NELL2: variants seen among roughly 807,000 people sequenced by gnomAD.
NELL2 encodes the protein protein kinase C-binding protein NELL2.
In NELL2, 41 loss-of-function variants were observed where a neutral mutation model predicts 109.6. The ratio of observed to expected loss-of-function variants is 0.37; its 90% CI spans 0.29 to 0.49. The LOEUF (loss-of-function observed/expected upper bound fraction) is 0.49, where lower values mean the gene tolerates loss of function less well. Ranked by LOEUF, NELL2 falls within the 20% of genes least tolerant of loss-of-function variation. NELL2 has a pLI of 0.98. For synonymous variants in NELL2, 355 were observed against 344.7 expected (o/e 1.03, Z -0.33); for missense variants, 900 against 1,008.3 (o/e 0.89, Z 1.45).
chr12:44,730,338 A>G lies in NELL2; in HGVS notation c.995-15597T>C, dbSNP rs149612883. Among the ~76,000 whole-genome samples, 13 of 152,294 alleles carry G rather than the reference A, an allele frequency of 8.5e-5. No individual in the cohort carries two copies. In the East Asian group the frequency reaches 2.3e-3, roughly 27 times the overall value. ...TCCATACAACAGGAGCAGAATGTAA[A>G]TTCTTCTCAAGGACATACAGAACAT... On this transcript the variant is annotated intron_variant, in intron 9 of 19. Transcript: ENST00000429094.
chr12:44,634,280 G>C (rs11613236), intron 13 of NELL2, among the ~76,000 whole-genome samples: 1 of 151,900 alleles, frequency 6.6e-6, no homozygotes, highest in Admixed American at 6.6e-5. Context: ...CCATCAACCC[G>C]TCATCTACAT....
Position 44,585,096 on chromosome 12 carries a change from C to G in NELL2, c.1663+22073G>C, listed in dbSNP as rs935328097. Among the ~76,000 whole-genome samples the G allele has an allele frequency of 5.9e-5, 9 of 152,092 alleles. No homozygotes were observed. The South Asian group carries it at 8.3e-4, about 14-fold the overall frequency. On this transcript the variant is annotated intron_variant, in intron 15 of 19. Coordinates refer to ENST00000429094, the MANE Select transcript of NELL2 (RefSeq NM_001145108.2). ...AAAAATTGAAAATATTCCTATCATT[C>G]TCATAGACAGTTTGTGGGAATATAA...
At chr12:44,614,203 G>A (rs1164090478) in intron 13 of NELL2, among the ~76,000 whole-genome samples, 6 of 151,974 alleles carry the variant, frequency 3.9e-5, no homozygotes, top group African/African-American at 1.2e-4. Flanking sequence ...ACAGCTGGAA[G>A]TGAAATCAAA....
At position 44,546,114 on chromosome 12, in the gene NELL2, G is replaced by A. The variant is rs191952537; in HGVS notation, c.1664-13393C>T. On this transcript the variant is annotated intron_variant, in intron 15 of 19. Transcript: ENST00000429094. ...GAGCTTTGAATGGTATGCCAGGAAT[G>A]GTAAGATGACAGCAAAAATAGCTAT... 1.7e-3 allele frequency among the ~76,000 whole-genome samples: 258 copies of A among 152,180 alleles called. 1 individual carries two copies. Among genetic ancestry groups the A allele is most frequent in the Admixed American group, 3.8e-3 (58 of 15,276 alleles).
intron 12 of NELL2, among the ~76,000 whole-genome samples, chr12:44,668,147 G>GCATCCCTTC (rs1395917062): frequency 6.6e-6 from 1 of 152,062 alleles, no homozygotes; most frequent in East Asian, 1.9e-4. Context: ...ATACCAGCTG[G>GCATCCCTTC]ACCCATCAGT....
chr12:44,648,345 G>A (rs1053909948), intron 13 of NELL2, among the ~76,000 whole-genome samples: 24 of 152,108 alleles, frequency 1.6e-4, no homozygotes, highest in Non-Finnish European at 8.8e-5. Flanking sequence ...CCAGGTTAAG[G>A]GGGCTGGATC....
chr12:44,751,630 G>A (rs1314914483), intron 9 of NELL2, among the ~76,000 whole-genome samples: 2 of 151,790 alleles, frequency 1.3e-5, no homozygotes, highest in South Asian at 2.1e-4. Context: ...CCTTTTTTCT[G>A]TCCCTCCCTC....
chr12:44,672,071 A>G (rs1948156805), intron 12 of NELL2, among the ~76,000 whole-genome samples: 1 of 152,246 alleles, frequency 6.6e-6, no homozygotes. Context: ...AGTTCCTGGT[A>G]CAGATAGGAA....
Position 44,805,793 on chromosome 12 carries a change from T to C in NELL2, c.335+10193A>G, listed in dbSNP as rs11182690. On this transcript the variant is annotated intron_variant, in intron 3 of 19. Coordinates refer to ENST00000429094, the MANE Select transcript of NELL2 (RefSeq NM_001145108.2). ...GTAGTATTAATTGCAATACCAAATA[T>C]TGTGCTGAGATAATCATTCCCTCAC... is the stretch of plus-strand genomic sequence containing the variant. Among the ~76,000 whole-genome samples, 347 of 151,934 alleles carry C rather than the reference T, an allele frequency of 2.3e-3. 10 individuals carry two copies. The East Asian group carries it at 0.049, about 22-fold the overall frequency.
At chr12:44,917,293 C>T (rs77867317), upstream of NELL2, among the ~76,000 whole-genome samples, 10 of 152,166 alleles carry the variant, frequency 6.6e-5, no homozygotes, top group East Asian at 1.9e-4. Context: ...AACATTATGA[C>T]GTAGAAAGAG....
At chr12:44,577,602 C>T (rs1292340780) in intron 15 of NELL2, among the ~76,000 whole-genome samples, 2 of 151,428 alleles carry the variant, frequency 1.3e-5, no homozygotes, top group East Asian at 1.9e-4. Flanking sequence ...CTCAGCCTCC[C>T]GAGTAGCTGG....
At chr12:44,882,470 G>GTA (rs920055880) in intron 1 of NELL2, among the ~76,000 whole-genome samples, 2 of 150,220 alleles carry the variant, frequency 1.3e-5, no homozygotes, top group African/African-American at 4.9e-5. Context: ...ATATACATAT[G>GTA]TGTATATATA....
chr12:44,832,361 A>G (rs1223818308), intron 2 of NELL2, among the ~76,000 whole-genome samples: 3 of 152,250 alleles, frequency 2.0e-5, no homozygotes, highest in Non-Finnish European at 4.4e-5. Flanking sequence ...TGGAAAAGAC[A>G]GGAAGTGAAA....
intron 14 of NELL2, among the ~76,000 whole-genome samples, chr12:44,607,643 C>T (rs1367278987): frequency 6.6e-6 from 1 of 152,098 alleles, no homozygotes; most frequent in Non-Finnish European, 1.5e-5. Flanking sequence ...AAGAACGAGA[C>T]CATGAAACAG....
chr12:44,528,442 T>A (rs1941902899), intron 16 of NELL2, among the ~76,000 whole-genome samples: 1 of 152,210 alleles, frequency 6.6e-6, no homozygotes, highest in Non-Finnish European at 1.5e-5. Flanking sequence ...TTATTATGTA[T>A]CTACTTTTAA....
chr12:44,718,040 T>A (rs1592391219), intron 9 of NELL2, among the ~76,000 whole-genome samples: 1 of 152,312 alleles, frequency 6.6e-6, no homozygotes, highest in Admixed American at 6.5e-5. Flanking sequence ...CAGAAGGGCA[T>A]GAGAGAGCGG....
chr12:44,647,725 A>G (rs1007782597), intron 13 of NELL2, among the ~76,000 whole-genome samples: 2 of 144,428 alleles, frequency 1.4e-5, no homozygotes, highest in Non-Finnish European at 3.0e-5. Context: ...GAAGGTGAAT[A>G]GAATTTCAAT....
At chr12:44,613,791 T>C (rs927991525) in intron 13 of NELL2, among the ~76,000 whole-genome samples, 21 of 152,056 alleles carry the variant, frequency 1.4e-4, no homozygotes, top group African/African-American at 4.8e-4. Context: ...TGTAAAGTCA[T>C]CTCAATAAAT....
chr12:44,864,362 A>C (rs538867136), intron 2 of NELL2, among the ~76,000 whole-genome samples: 2 of 152,288 alleles, frequency 1.3e-5, no homozygotes, highest in East Asian at 3.9e-4. Flanking sequence ...TGAAGACAGA[A>C]AGTGAAGGAA....
Sources: allele counts gnomAD v4.1 joint callset (sites outside exome capture counted in the v4.1 genomes callset), GRCh38; gene constraint gnomAD v4.1.1; transcripts MANE v1.5; gene names NCBI Gene and HGNC (gene_info 2026-07-23, HGNC 2026-07-21).